WDR11: variants seen among roughly 807,000 people sequenced by gnomAD.
The protein encoded by WDR11 is WD repeat domain 11.
Under a neutral mutation model 151.2 loss-of-function variants are expected in WDR11, and 83 were observed. The observed-to-expected ratio is 0.55, with a 90% CI of 0.46 to 0.66. WDR11 has a LOEUF of 0.66. Ranked by LOEUF, WDR11 falls within the 30% of genes least tolerant of loss-of-function variation. WDR11 has a pLI of 0.00. For missense variants in WDR11, 1,301 were observed against 1,480.9 expected, an observed-to-expected ratio of 0.88 and a Z score of 1.99; for synonymous variants, 484 against 533.1, an observed-to-expected ratio of 0.91 and a Z score of 1.27.
Position 120,857,079 on chromosome 10 carries a change from C to CATATATAT in WDR11, c.199-1559_199-1552dup, listed in dbSNP as rs138746996. ...ACACATGCCTGAGCAAAGATTATCA[C>CATATATAT]ATATATATATATGTATGTATTTTTT... On this transcript the variant is annotated intron_variant, in intron 2 of 28. Transcript: ENST00000263461. Among the ~76,000 whole-genome samples the CATATATAT allele has an allele frequency of 2.4e-3, 363 of 151,334 alleles. 1 individual carries two copies. The highest frequency in any genetic ancestry group is 8.5e-3 in the African/African-American group (349 of 41,212).
intron 9 of WDR11, chr10:120,868,753 T>A (rs1846408504): frequency 6.6e-6 from 1 of 152,178 alleles, no homozygotes; most frequent in African/African-American, 2.4e-5. Flanking sequence ...AGCTCCACTG[T>A]CATCTTGGGT....
chr10:120,866,684 A>C lies in WDR11; in HGVS notation c.1110A>C (p.Ala370=). 4 of 1,614,202 alleles carry C rather than the reference A, an allele frequency of 2.5e-6. No individual in the cohort carries two copies. Among genetic ancestry groups the C allele is most frequent in the Non-Finnish European group, 3.4e-6 (4 of 1,180,038 alleles). Residue 370 remains alanine (A), a synonymous_variant, in exon 8 of 29, where the codon GCA becomes GCC. Coordinates refer to ENST00000263461, the MANE Select transcript of WDR11 (RefSeq NM_018117.12). Reference sequence around the variant, plus strand: ...TGTGCTGTCCTGTCAATGAGAATGCAGCCGCCCTCGTAGTGAGTGATGGCA... The same window carrying C: ...TGTGCTGTCCTGTCAATGAGAATGCCGCCGCCCTCGTAGTGAGTGATGGCA... The part of the protein sequence containing the change: ...SMVCCPVNEN[A]AALVVSDGRV...
Position 120,886,714 on chromosome 10 carries a change from T to C in WDR11, c.1999T>C (p.Ser667Pro). 6.2e-7 allele frequency: 1 copy of C among 1,613,960 alleles called. No individual in the cohort carries two copies. Among genetic ancestry groups the C allele is most frequent in the Non-Finnish European group, 8.5e-7 (1 of 1,179,944 alleles). The stretch of plus-strand genomic sequence containing the variant: ...CTTGCTGCAGGAGGCAGAAAGTAAA[T>C]CTGAACTTAGTCAGAACATCTCTGC... Reference protein sequence around the residue: ...ISLLQEAESKSELSQNISARE... With the variant: ...ISLLQEAESKPELSQNISARE... The change falls in exon 16 of 29, where the codon TCT (serine) becomes CCT (proline). Residue 667 changes from serine (S) to proline (P), a missense_variant. Ser to Pro is a moderately conservative substitution (Grantham distance 74, BLOSUM62 -1). Transcript: ENST00000263461.
In WDR11 at chr10:120,862,885, A is replaced by G; in HGVS notation, c.677A>G (p.Asn226Ser). 1 of 1,614,062 alleles carries G rather than the reference A, an allele frequency of 6.2e-7. No homozygotes were observed. Among genetic ancestry groups the G allele is most frequent in the Non-Finnish European group, 8.5e-7 (1 of 1,179,918 alleles). Reference sequence around the variant, plus strand: ...GCCACAGGTGCCAAGAAAGCTCTAAATAAAGTAAAAATTTTAATCACTCAA... The same window carrying G: ...GCCACAGGTGCCAAGAAAGCTCTAAGTAAAGTAAAAATTTTAATCACTCAA... ...ATATGAKKAL[N>S]KVKILITQEK... The change falls in exon 5 of 29, where the codon AAT (asparagine) becomes AGT (serine). Residue 226 changes from asparagine (N) to serine (S), a missense_variant. Transcript: ENST00000263461.
rs766727300 is a variant in WDR11, at chr10:120,885,844, C to T, written c.1879C>T (p.Leu627=). The stretch of plus-strand genomic sequence containing the variant: ...GTCACCATCTCACAACTTGAAGAGC[C>T]TGAGAAAGAAGCAACTTGCAACTCG... The part of the protein sequence containing the change: ...EWSPSHNLKS[L]RKKQLATREA... The change falls in exon 15 of 29, where the codon CTG becomes TTG. Residue 627 remains leucine (L), a synonymous_variant. Transcript: ENST00000263461. 6.2e-7 allele frequency: 1 copy of T among 1,613,678 alleles called. No individual in the cohort carries two copies. Among genetic ancestry groups the T allele is most frequent in the African/African-American group, 1.3e-5 (1 of 74,888 alleles).
intron 14 of WDR11, among the ~76,000 whole-genome samples, 188 bp downstream of exon 14, chr10:120,884,076 A>G (rs1847124570): frequency 6.6e-6 from 1 of 152,160 alleles, no homozygotes; most frequent in Non-Finnish European, 1.5e-5. Context: ...ACCTAATATC[A>G]TATTAGTGCA....
chr10:120,868,732 C>G (rs1490964660), intron 9 of WDR11: 2 of 152,158 alleles, frequency 1.3e-5, no homozygotes, highest in Non-Finnish European at 2.9e-5. Context: ...GCAATGGCCT[C>G]CAGTCCTGAC....
intron 11 of WDR11, among the ~76,000 whole-genome samples, chr10:120,874,190 T>TTG (rs72160923): frequency 0.034 from 3,542 of 105,042 alleles, 111 homozygotes; most frequent in South Asian, 0.069. Context: ...TTTTTTTTTT[T>TTG]TTGTTGTTGT....
At position 120,886,720 on chromosome 10, in the gene WDR11, C is replaced by G. The variant is rs922749723; in HGVS notation, c.2005C>G (p.Leu669Val). 6.8e-6 allele frequency: 11 copies of G among 1,613,814 alleles called. No homozygotes were observed. Among genetic ancestry groups the G allele is most frequent in the Non-Finnish European group, 9.3e-6 (11 of 1,179,946 alleles). The change falls in exon 16 of 29, where the codon CTT becomes GTT. Residue 669 changes from leucine (L) to valine (V), a missense_variant. Transcript: ENST00000263461. The part of the protein sequence containing the change: ...LLQEAESKSE[L>V]SQNISAREHF... ...GCAGGAGGCAGAAAGTAAATCTGAA[C>G]TTAGTCAGAACATCTCTGCCCGGGA... is the stretch of plus-strand genomic sequence containing the variant.
chr10:120,865,355 TTG>T, intron 6 of WDR11, 143 bp downstream of exon 6: 5 of 893,650 alleles, frequency 5.6e-6, no homozygotes, highest in Non-Finnish European at 8.4e-6. Flanking sequence ...CTATTTTAGA[TTG>T]TTTTTTTTGT....
chr10:120,906,044 C>T lies in WDR11; in HGVS notation c.3437+23C>T, dbSNP rs1213101981. 2.5e-6 allele frequency: 4 copies of T among 1,612,798 alleles called. No individual in the cohort carries two copies. In the African/African-American group the frequency reaches 4.0e-5, roughly 16 times the overall value. On this transcript the variant is annotated intron_variant, in intron 27 of 28. Coordinates refer to ENST00000263461, the MANE Select transcript of WDR11 (RefSeq NM_018117.12). ...CAGGTAAACCGAGAGTTCACATGGG[C>T]TGCTCAGGCCTGCCCGTGAGCAGTC... is the stretch of plus-strand genomic sequence containing the variant.
intron 5 of WDR11, among the ~76,000 whole-genome samples, chr10:120,864,094 G>A (rs11199605): frequency 0.11 from 16,711 of 152,052 alleles, 1,363 homozygotes; most frequent in East Asian, 0.33. Flanking sequence ...ACCGCTCTGG[G>A]TGCTTTCACA....
chr10:120,862,795 G>T lies in WDR11; in HGVS notation c.587G>T (p.Gly196Val). 6.2e-7 allele frequency: 1 copy of T among 1,614,000 alleles called. No individual in the cohort carries two copies. Among genetic ancestry groups the T allele is most frequent in the East Asian group, 2.2e-5 (1 of 44,866 alleles). Residue 196 changes from glycine (G) to valine (V), a missense_variant, in exon 5 of 29, where the codon GGC (glycine) becomes GTC (valine). Gly to Val is a moderately radical substitution (Grantham distance 109). Around this residue, in one of 3 missense-constraint regions of WDR11, gnomAD observed 692 missense variants for 762.5 expected, o/e 0.91. Coordinates refer to ENST00000263461, the MANE Select transcript of WDR11 (RefSeq NM_018117.12). The stretch of plus-strand genomic sequence containing the variant: ...TTCTCCCCATCCAAGCCTCCCTCAG[G>T]CCCTGGGAAAAAAGTTTACATATCC... ...SDFSPSKPPS[G>V]PGKKVYISSP...
chr10:120,851,835 TCC>T, intron 1 of WDR11: 1 of 455,336 alleles, frequency 2.2e-6, no homozygotes, highest in Non-Finnish European at 4.0e-6. Flanking sequence ...CACCATTAAT[TCC>T]CTGTGCACTT....
intron 12 of WDR11, chr10:120,880,018 G>A (rs1021387261): frequency 6.6e-6 from 1 of 152,084 alleles, no homozygotes; most frequent in Non-Finnish European, 1.5e-5. Context: ...GTTTTGAGAG[G>A]AACATGTTCA....
chr10:120,899,688 C>T lies in WDR11; in HGVS notation c.2516-341C>T, dbSNP rs984207830. 3.1e-5 allele frequency: 9 copies of T among 288,706 alleles called. No individual in the cohort carries two copies. In the Admixed American group the frequency reaches 3.8e-4, roughly 12 times the overall value. The allele number at this position is 288,706 out of a possible 1,614,324, so 17.9% of individuals were successfully genotyped here. On this transcript the variant is annotated intron_variant, in intron 19 of 28. Transcript: ENST00000263461. ...ATCCCAGTTACTTCGGAGGCTGAGG[C>T]AGGAGAATCGCTTGAACCCGGGAGG...
At chr10:120,893,206 T>C (rs567598592) in intron 19 of WDR11, among the ~76,000 whole-genome samples, 2 of 142,616 alleles carry the variant, frequency 1.4e-5, no homozygotes, top group Admixed American at 1.4e-4. Flanking sequence ...GATGTTCCCC[T>C]TCCTGTGTCC....
intron 16 of WDR11, 80 bp from the exon 17 acceptor site, chr10:120,888,998 T>TAA: frequency 9.0e-7 from 1 of 1,106,552 alleles, no homozygotes; most frequent in Non-Finnish European, 1.3e-6. Flanking sequence ...CCCTTTAAAT[T>TAA]AAGTTTTATT....
At chr10:120,894,981 C>T (rs1847555071) in intron 19 of WDR11, among the ~76,000 whole-genome samples, 1 of 152,140 alleles carries the variant, frequency 6.6e-6, no homozygotes, top group African/African-American at 2.4e-5. Context: ...ATGCTGTCAA[C>T]AATATTTTGC....
Sources: gnomAD v4.1 joint callset for allele counts (sites outside exome capture counted in the v4.1 genomes callset) on GRCh38, gnomAD v4.1.1 for gene constraint, gnomAD v4.1.1 regional missense constraint, MANE v1.5 for transcripts, NCBI Gene and HGNC (gene_info 2026-07-23, HGNC 2026-07-21) for gene names.